Variants in ARAP2 observed in about 807,000 individuals in gnomAD.
ARAP2 encodes arf-GAP with Rho-GAP domain, ANK repeat and PH domain-containing protein 2.
ARAP2 carries 148 observed loss-of-function variants against 194.5 expected under a neutral mutation model. The ratio of observed to expected loss-of-function variants is 0.76; its 90% CI spans 0.67 to 0.87. The LOEUF is 0.87. Ranked by LOEUF, ARAP2 falls within the 40% of genes least tolerant of loss-of-function variation. ARAP2 has a pLI of 0.00. For synonymous variants in ARAP2, 695 were observed against 683.5 expected, an observed-to-expected ratio of 1.02 and a Z score of -0.26; for missense variants, 2,128 against 1,989.7, an observed-to-expected ratio of 1.07 and a Z score of -1.32.
chr4:36,231,693 A>G (rs1208129829), intron 1 of ARAP2, among the ~76,000 whole-genome samples: 1 of 152,196 alleles, frequency 6.6e-6, no homozygotes, highest in Non-Finnish European at 1.5e-5. Context: ...TTAATAAAAT[A>G]CATACACACA....
chr4:36,015,768 G>C (rs1433681010), intron 7 of ARAP2: 1 of 152,168 alleles, frequency 6.6e-6, no homozygotes, highest in Admixed American at 6.5e-5. Flanking sequence ...CTTGAAGTGA[G>C]AAGCTACAAT....
At chr4:36,186,964 G>A (rs6820295) in intron 8 of ARAP2, among the ~76,000 whole-genome samples, 136,789 of 152,264 alleles carry the variant, frequency 0.9, 61,567 homozygotes, top group East Asian at 1. Context: ...ATGTGCTTCA[G>A]TCATCCAGGA....
chr4:36,076,292 C>T (rs1399087079), intron 31 of ARAP2, among the ~76,000 whole-genome samples: 1 of 152,000 alleles, frequency 6.6e-6, no homozygotes, highest in Non-Finnish European at 1.5e-5. Flanking sequence ...TGTTCAGGGC[C>T]TCTGCTGGTT....
At chr4:36,152,670 T>G (rs1731275519) in intron 15 of ARAP2, among the ~76,000 whole-genome samples, 1 of 77,598 alleles carries the variant, frequency 1.3e-5, no homozygotes, top group Non-Finnish European at 2.4e-5. Flanking sequence ...CATACTGAAG[T>G]GATAAAAAAA....
intron 31 of ARAP2, among the ~76,000 whole-genome samples, chr4:36,077,986 C>T (rs1213153393): frequency 2.0e-5 from 3 of 152,274 alleles, no homozygotes; most frequent in South Asian, 2.1e-4. Flanking sequence ...GAGAACCTTC[C>T]TCAATTAGTG....
chr4:36,170,200 G>A (rs1736288559), intron 9 of ARAP2, among the ~76,000 whole-genome samples: 1 of 152,068 alleles, frequency 6.6e-6, no homozygotes, highest in African/African-American at 2.4e-5. Flanking sequence ...TTTTATATGT[G>A]GCCAACGCCA....
intron 6 of ARAP2, among the ~76,000 whole-genome samples, chr4:36,197,869 A>G (rs1578242637): frequency 6.6e-6 from 1 of 152,190 alleles, no homozygotes; most frequent in Non-Finnish European, 1.5e-5. Context: ...TTGAGACTCC[A>G]GGAACTTAAG....
intron 5 of ARAP2, among the ~76,000 whole-genome samples, chr4:36,034,183 A>C (rs1439362314): frequency 1.3e-5 from 2 of 152,138 alleles, no homozygotes; most frequent in African/African-American, 4.8e-5. Context: ...TTCTGTGAAG[A>C]ATGTCATTGG....
intron 2 of ARAP2, among the ~76,000 whole-genome samples, chr4:36,227,345 T>C (rs953490488): frequency 1.3e-5 from 2 of 152,190 alleles, no homozygotes; most frequent in African/African-American, 4.8e-5. Flanking sequence ...GGTTAATACA[T>C]GACACTATAT....
At chr4:36,162,183 CAT>C (rs1734254821) in intron 11 of ARAP2, among the ~76,000 whole-genome samples, 1 of 151,238 alleles carries the variant, frequency 6.6e-6, no homozygotes, top group Non-Finnish European at 1.5e-5. Context: ...TGTACAGACA[CAT>C]GTATAAATAT....
intron 5 of ARAP2, among the ~76,000 whole-genome samples, chr4:36,032,788 T>A (rs899760364): frequency 6.6e-6 from 1 of 152,202 alleles, no homozygotes. Context: ...CCACACCTAG[T>A]ACCCAATAGT....
At chr4:36,150,168 A>G (rs1463586810) in intron 16 of ARAP2, among the ~76,000 whole-genome samples, 6 of 152,228 alleles carry the variant, frequency 3.9e-5, no homozygotes, top group Non-Finnish European at 8.8e-5. Context: ...TAGCATTTCA[A>G]TATGCTACTA....
At chr4:36,209,423 A>G in intron 6 of ARAP2, 1 of 452,412 alleles carries the variant, frequency 2.2e-6, no homozygotes, top group East Asian at 7.1e-5. Context: ...TCCTAAAAGA[A>G]TGAAAATATA....
At chr4:36,017,587 A>AAAAAAAAAAAT (rs1716086471) in intron 6 of ARAP2, among the ~76,000 whole-genome samples, 1 of 148,342 alleles carries the variant, frequency 6.7e-6, no homozygotes, top group Admixed American at 6.7e-5. Flanking sequence ...AAAAAAAAAA[A>AAAAAAAAAAAT]GCTTTCTGTG....
chr4:36,237,823 T>G (rs542713857), intron 1 of ARAP2, among the ~76,000 whole-genome samples: 2 of 152,190 alleles, frequency 1.3e-5, no homozygotes, highest in Non-Finnish European at 2.9e-5. Flanking sequence ...ACCGTGTTAT[T>G]TGCACATCAA....
At chr4:36,111,738 A>G (rs1720044906) in intron 26 of ARAP2, among the ~76,000 whole-genome samples, 1 of 151,980 alleles carries the variant, frequency 6.6e-6, no homozygotes, top group African/African-American at 2.4e-5. Flanking sequence ...TCAAGATAAA[A>G]TTTCAAAACA....
At position 36,148,518 on chromosome 4, in the gene ARAP2, C is replaced by T. The variant is rs746704613; in HGVS notation, c.2898-11G>A. On this transcript the variant is annotated splice_polypyrimidine_tract_variant and intron_variant, in intron 16 of 32. Coordinates refer to ENST00000303965, the MANE Select transcript of ARAP2 (RefSeq NM_015230.4). The stretch of plus-strand genomic sequence containing the variant: ...AAGATAAAGATGGGCCTAAAACATG[C>T]ACAAATAAAAAGATACTACCAGTTA... The T allele has an allele frequency of 2.5e-6, 4 of 1,596,424 alleles. No homozygotes were observed. In the East Asian group the frequency reaches 6.7e-5, roughly 27 times the overall value.
At chr4:36,190,974 A>C (rs1741760218) in intron 7 of ARAP2, among the ~76,000 whole-genome samples, 1 of 152,248 alleles carries the variant, frequency 6.6e-6, no homozygotes. Flanking sequence ...CTAGAAATTC[A>C]GAAGAGGAAG....
chr4:36,085,872 A>T (rs1440647574), intron 28 of ARAP2, among the ~76,000 whole-genome samples: 1 of 152,076 alleles, frequency 6.6e-6, no homozygotes, highest in Non-Finnish European at 1.5e-5. Context: ...CAAGTAGTTT[A>T]TGCATTTTGT....
Sources: gnomAD v4.1 joint callset for allele counts (sites outside exome capture counted in the v4.1 genomes callset) on GRCh38, gnomAD v4.1.1 for gene constraint, MANE v1.5 for transcripts, NCBI Gene and HGNC (gene_info 2026-07-23, HGNC 2026-07-21) for gene names.